Variants in TPRG1 observed in about 807,000 individuals in gnomAD.
The protein encoded by TPRG1 is tumor protein p63 regulated 1.
Under a neutral mutation model 29.3 loss-of-function variants are expected in TPRG1, and 29 were observed. The ratio of observed to expected loss-of-function variants is 0.99; its 90% CI spans 0.74 to 1.35. TPRG1 has a LOEUF of 1.35. Among genes scored for constraint, TPRG1 ranks in the 40% most tolerant of loss-of-function variants. The pLI is 0.00. For missense variants in TPRG1, 327 were observed against 335.0 expected (o/e 0.98, Z 0.19); for synonymous variants, 130 against 116.8 (o/e 1.11, Z -0.73).
intron 4 of TPRG1, among the ~76,000 whole-genome samples, chr3:189,253,543 T>C (rs1172796434): frequency 2.0e-5 from 3 of 152,218 alleles, no homozygotes; most frequent in Non-Finnish European, 4.4e-5. Context: ...CTATTGTAAA[T>C]TGTGCTGCAG....
chr3:189,255,713 T>G (rs1056240326), intron 4 of TPRG1, among the ~76,000 whole-genome samples: 13 of 152,230 alleles, frequency 8.5e-5, no homozygotes, highest in African/African-American at 3.1e-4. Context: ...TTGTTATTGG[T>G]CTATTCAGGA....
At chr3:189,181,599 A>G (rs1019267733) in intron 1 of TPRG1, among the ~76,000 whole-genome samples, 19 of 152,302 alleles carry the variant, frequency 1.2e-4, no homozygotes, top group African/African-American at 2.9e-4. Context: ...ATCTGAGACC[A>G]TCTTAGCCTG....
intron 4 of TPRG1, among the ~76,000 whole-genome samples, chr3:189,260,976 G>A (rs1293161229): frequency 6.6e-6 from 1 of 152,166 alleles, no homozygotes; most frequent in Non-Finnish European, 1.5e-5. Flanking sequence ...GGGTGAAACC[G>A]GCTCGTGGCC....
Position 189,320,709 on chromosome 3 carries a change from G to T in TPRG1, c.717G>T (p.Leu239=), listed in dbSNP as rs1389783240. ...NSTGSGRGKK[L]MVLTEPILIE... ...CTGGATCTGGAAGAGGAAAGAAACT[G>T]ATGGTGTTAACTGAACCCATTTTGA... The change falls in exon 6 of 6, where the codon CTG becomes CTT. Residue 239 remains leucine (L), a synonymous_variant. Transcript: ENST00000345063. 3.7e-6 allele frequency: 6 copies of T among 1,612,766 alleles called. No homozygotes were observed. The highest frequency in any genetic ancestry group is 5.1e-6 in the Non-Finnish European group (6 of 1,179,304).
intron 4 of TPRG1, among the ~76,000 whole-genome samples, chr3:189,070,797 G>C (rs1350069084): frequency 6.6e-6 from 1 of 151,304 alleles, no homozygotes; most frequent in African/African-American, 2.5e-5. Context: ...AGGAGCAAAG[G>C]CAATTACCTG....
At chr3:189,013,157 T>C (rs996796662) in intron 3 of TPRG1, among the ~76,000 whole-genome samples, 1 of 152,146 alleles carries the variant, frequency 6.6e-6, no homozygotes, top group African/African-American at 2.4e-5. Flanking sequence ...GGGCATTTGG[T>C]GATATAAATT....
intron 4 of TPRG1, among the ~76,000 whole-genome samples, chr3:189,299,833 C>T (rs929865323): frequency 2.0e-5 from 3 of 152,096 alleles, no homozygotes; most frequent in African/African-American, 7.2e-5. Context: ...TGTTTTAAGA[C>T]AGGCTCAGGA....
intron 4 of TPRG1, among the ~76,000 whole-genome samples, chr3:189,252,182 A>C (rs1003833068): frequency 2.0e-5 from 3 of 152,192 alleles, no homozygotes; most frequent in Admixed American, 2.0e-4. Context: ...GACACAGCAC[A>C]TGTTTCAGAG....
At chr3:189,307,965 G>T (rs1253514478) in intron 4 of TPRG1, among the ~76,000 whole-genome samples, 4 of 152,130 alleles carry the variant, frequency 2.6e-5, no homozygotes, top group Admixed American at 6.5e-5. Context: ...GCTCAGTGGG[G>T]CTAATTAGAT....
intron 5 of TPRG1, among the ~76,000 whole-genome samples, chr3:189,162,444 A>T (rs1727614604): frequency 6.6e-6 from 1 of 152,230 alleles, no homozygotes; most frequent in African/African-American, 2.4e-5. Flanking sequence ...GTCTTTAATG[A>T]CAGGATAATA....
In TPRG1 at chr3:189,085,707, A is replaced by G. The variant is rs532764006; in HGVS notation, c.-462-41350A>G. 7.2e-5 allele frequency among the ~76,000 whole-genome samples: 11 copies of G among 152,328 alleles called. No individual in the cohort carries two copies. In the South Asian group the frequency reaches 1.9e-3, roughly 26 times the overall value. On this transcript the variant is annotated intron_variant, in intron 4 of 10. Coordinates refer to the TPRG1 transcript ENST00000433971. ...TGAAGGATGACATCAGCAGCTTTATAGTGGAAACACTTTAACTTCTCAGGA... is the reference window on the plus strand; with the variant it reads ...TGAAGGATGACATCAGCAGCTTTATGGTGGAAACACTTTAACTTCTCAGGA...
intron 4 of TPRG1, among the ~76,000 whole-genome samples, chr3:189,294,351 T>A (rs1719518182): frequency 6.6e-6 from 1 of 152,016 alleles, no homozygotes; most frequent in Non-Finnish European, 1.5e-5. Context: ...AATTATATAA[T>A]AACCAGATTT....
rs138963204 is a variant in TPRG1 at position 189,013,679 on chromosome 3, C to G, written c.-660+8919C>G. On this transcript the variant is annotated intron_variant, in intron 3 of 10. Coordinates refer to the TPRG1 transcript ENST00000433971. The stretch of plus-strand genomic sequence containing the variant: ...AGGTCTCTTTGAAGTTTTCTAAGAA[C>G]TTGCTTTATGAATCTGGGTGCTCCT... 2.0e-4 allele frequency among the ~76,000 whole-genome samples: 30 copies of G among 152,194 alleles called. No individual in the cohort carries two copies. The East Asian group carries it at 4.6e-3, about 24-fold the overall frequency.
chr3:189,278,340 G>T (rs1716511310), intron 4 of TPRG1, among the ~76,000 whole-genome samples: 2 of 152,146 alleles, frequency 1.3e-5, no homozygotes, highest in South Asian at 4.1e-4. Context: ...AGCAGCAGGG[G>T]TCTACAGGTC....
At chr3:189,029,118 CT>C (rs970905430) in intron 4 of TPRG1, among the ~76,000 whole-genome samples, 4 of 151,820 alleles carry the variant, frequency 2.6e-5, no homozygotes, top group African/African-American at 7.3e-5. Flanking sequence ...AAAATTGAGC[CT>C]TTTTTTCTAC....
chr3:189,226,844 A>G (rs1487607820), intron 3 of TPRG1, among the ~76,000 whole-genome samples: 2 of 151,752 alleles, frequency 1.3e-5, no homozygotes, highest in Non-Finnish European at 2.9e-5. Flanking sequence ...ACAAGTTACC[A>G]ATATCAGGAA....
intron 4 of TPRG1, among the ~76,000 whole-genome samples, chr3:189,025,925 G>T (rs1342490357): frequency 6.6e-6 from 1 of 152,202 alleles, no homozygotes; most frequent in Non-Finnish European, 1.5e-5. Flanking sequence ...CCTCAAAAGA[G>T]ATGTGTTGTT....
chr3:189,258,479 G>T (rs1161572465), intron 4 of TPRG1, among the ~76,000 whole-genome samples: 3 of 152,132 alleles, frequency 2.0e-5, no homozygotes, highest in Non-Finnish European at 2.9e-5. Context: ...AGGCATGGGG[G>T]TCAGGGACTG....
chr3:189,150,449 G>A (rs1725796050), intron 4 of TPRG1, among the ~76,000 whole-genome samples: 1 of 152,110 alleles, frequency 6.6e-6, no homozygotes, highest in African/African-American at 2.4e-5. Context: ...CCAAAGTGCT[G>A]GGATTACAGG....
Sources: allele counts gnomAD v4.1 joint callset (sites outside exome capture counted in the v4.1 genomes callset), GRCh38; gene constraint gnomAD v4.1.1; transcripts MANE v1.5; gene names NCBI Gene and HGNC (gene_info 2026-07-23, HGNC 2026-07-21).